The following ADGRV1 variants were observed in gnomAD, a reference collection of about 807,000 sequenced individuals.
ADGRV1 encodes adhesion G protein-coupled receptor V1.
Under a neutral mutation model 596.2 loss-of-function variants are expected in ADGRV1, and 359 were observed. The ratio of observed to expected loss-of-function variants is 0.60; its 90% CI spans 0.55 to 0.66. The LOEUF (loss-of-function observed/expected upper bound fraction) is 0.66. Ranked by LOEUF, ADGRV1 falls within the 30% of genes least tolerant of loss-of-function variation. The pLI is 0.00. For missense variants in ADGRV1, 7,274 were observed against 7,575.6 expected (o/e 0.96, Z 1.48); for synonymous variants, 2,681 against 2,679.2 (o/e 1.00, Z -0.02).
chr5:91,134,292 A>T (rs1794453388), intron 87 of ADGRV1, among the ~76,000 whole-genome samples: 1 of 151,858 alleles, frequency 6.6e-6, no homozygotes, highest in Non-Finnish European at 1.5e-5. Context: ...CGCTCAAGCA[A>T]TCATCTCACC....
intron 50 of ADGRV1, among the ~76,000 whole-genome samples, chr5:90,736,103 G>T (rs2149855522): frequency 6.6e-6 from 1 of 152,144 alleles, no homozygotes; most frequent in South Asian, 2.1e-4. Flanking sequence ...TATAATGTTG[G>T]TTACTTGTTT....
intron 83 of ADGRV1, among the ~76,000 whole-genome samples, chr5:90,948,931 A>G (rs1286789074): frequency 6.6e-6 from 1 of 151,844 alleles, no homozygotes; most frequent in African/African-American, 2.4e-5. Context: ...CCGTCTGTGT[A>G]TAAAATATTT....
At chr5:90,708,277 G>T (rs1407768503) in intron 38 of ADGRV1, among the ~76,000 whole-genome samples, 2 of 151,842 alleles carry the variant, frequency 1.3e-5, no homozygotes, top group African/African-American at 4.8e-5. Context: ...TTTTCTCTAG[G>T]CCACCCTACA....
intron 87 of ADGRV1, among the ~76,000 whole-genome samples, chr5:91,104,836 C>T (rs954077459): frequency 9.5e-5 from 14 of 146,880 alleles, no homozygotes; most frequent in Admixed American, 2.1e-4. Context: ...TTGCACCAAC[C>T]TTTTCTTTTC....
rs537116800 is a variant in ADGRV1, at chr5:90,627,069, CA to C, written c.673-140del. The stretch of plus-strand genomic sequence containing the variant: ...AATATTTTATTAATTGGAGACTAAA[CA>C]AGCCTTTCTATTTGCTCCCTCAGTT... On this transcript the variant is annotated intron_variant, in intron 6 of 89. Transcript: ENST00000405460. The C allele has an allele frequency of 3.9e-3, 1,997 of 507,938 alleles. 17 individuals carry two copies. Among genetic ancestry groups the C allele is most frequent in the Middle Eastern group, 0.023 (45 of 1,984 alleles). The allele number at this position is 507,938 out of a possible 1,614,324, so 31.5% of individuals were successfully genotyped here.
chr5:90,698,484 A>G (rs1747488504), intron 34 of ADGRV1, among the ~76,000 whole-genome samples: 1 of 152,178 alleles, frequency 6.6e-6, no homozygotes, highest in Non-Finnish European at 1.5e-5. Context: ...CCTAGTGAGG[A>G]GAGACTTTGT....
Position 90,685,930 on chromosome 5 carries a change from G to A in ADGRV1, c.6425G>A (p.Arg2142Lys). ...GTTGGACCCATTATCAATGTGACTA[G>A]AACAGGAGGAGCATTTGCAGATGTC... The part of the protein sequence containing the change: ...NHVGPIINVT[R>K]TGGAFADVSV... Residue 2142 changes from arginine to lysine, a missense_variant, in exon 29 of 90, where the codon AGA becomes AAA. Physicochemically the swap from Arg to Lys is conservative, Grantham distance 26. Transcript: ENST00000405460. 6.2e-7 allele frequency: 1 copy of A among 1,609,416 alleles called. No homozygotes were observed. Among genetic ancestry groups the A allele is most frequent in the Non-Finnish European group, 8.5e-7 (1 of 1,177,092 alleles).
rs78242525 is a variant in ADGRV1, at chr5:91,031,184, A to G, written c.18153-41263A>G. ...ATAATTGTCCACAACCAAAAAGGCA[A>G]GAAGAGTAATCGAGATTTCCAGGAG... On this transcript the variant is annotated intron_variant, in intron 85 of 89. Coordinates refer to ENST00000405460, the MANE Select transcript of ADGRV1 (RefSeq NM_032119.4). 3,161 of 1,487,292 alleles carry G rather than the reference A, an allele frequency of 2.1e-3. 36 individuals are homozygous for G. In the African/African-American group the frequency reaches 0.03, roughly 14 times the overall value. The allele number at this position is 1,487,292 out of a possible 1,614,324, so 92.1% of individuals were successfully genotyped here. A position where few individuals can be genotyped will look rare whatever the true frequency, so the allele number is the denominator to read the frequency against.
chr5:90,999,388 G>A (rs1380355305), intron 85 of ADGRV1, among the ~76,000 whole-genome samples: 1 of 151,780 alleles, frequency 6.6e-6, no homozygotes, highest in Admixed American at 6.6e-5. Flanking sequence ...GGGTTAAAAC[G>A]GTGAAAACAT....
At chr5:90,579,279 A>G (rs1329688897) in intron 1 of ADGRV1, among the ~76,000 whole-genome samples, 1 of 152,044 alleles carries the variant, frequency 6.6e-6, no homozygotes. Context: ...TGCTTTACGT[A>G]TGTCCCAGAG....
intron 33 of ADGRV1, 103 bp downstream of exon 33, chr5:90,694,804 A>G (rs1183320009): frequency 1.8e-5 from 19 of 1,078,404 alleles, no homozygotes; most frequent in Non-Finnish European, 2.5e-5. Flanking sequence ...CATTCTTGTT[A>G]ATATACAGAA....
intron 75 of ADGRV1, among the ~76,000 whole-genome samples, chr5:90,816,522 T>G (rs1252682443): frequency 6.6e-6 from 1 of 151,324 alleles, no homozygotes; most frequent in Non-Finnish European, 1.5e-5. Context: ...TAACTCATCA[T>G]TTAGCATTAG....
chr5:90,858,922 G>A (rs1228170567), intron 82 of ADGRV1, among the ~76,000 whole-genome samples: 1 of 152,182 alleles, frequency 6.6e-6, no homozygotes. Flanking sequence ...TTTAACAGCA[G>A]TGAGAACTTT....
At chr5:90,703,558 G>A in intron 34 of ADGRV1, 107 bp from the exon 35 acceptor site, 1 of 723,678 alleles carries the variant, frequency 1.4e-6, no homozygotes, top group Non-Finnish European at 2.2e-6. Flanking sequence ...AATGTTCTTG[G>A]GAAAGGTGCT....
rs1745265801 is a variant in ADGRV1, at chr5:90,683,891, T to C, written c.5970T>C (p.Val1990=). ...CTGAGAAAAACAGACCTGTTAAAGT[T>C]GAGGAAGCAACCCAGAACATCACAC... is the stretch of plus-strand genomic sequence containing the variant. ...IFSEKNRPVK[V]EEATQNITLS... is the part of the protein sequence containing the mutation. Residue 1990 remains valine (V), a synonymous_variant, in exon 28 of 90, where the codon GTT becomes GTC. Transcript: ENST00000405460. 1.1e-5 allele frequency: 18 copies of C among 1,613,418 alleles called. No individual in the cohort carries two copies. Among genetic ancestry groups the C allele is most frequent in the Non-Finnish European group, 1.5e-5 (18 of 1,179,670 alleles).
intron 88 of ADGRV1, 40 bp downstream of exon 88, chr5:91,150,261 CTG>C: frequency 2.9e-6 from 4 of 1,394,984 alleles, no homozygotes; most frequent in South Asian, 1.6e-5. Flanking sequence ...CTCTCTGTCT[CTG>C]TCTCTCTCTC....
At chr5:90,689,209 C>A (rs1561531745) in intron 29 of ADGRV1, among the ~76,000 whole-genome samples, 1 of 151,918 alleles carries the variant, frequency 6.6e-6, no homozygotes, top group Non-Finnish European at 1.5e-5. Flanking sequence ...GCTGGGGTAG[C>A]TCCTAGGAAT....
At chr5:91,061,521 A>G (rs1787428270) in intron 85 of ADGRV1, among the ~76,000 whole-genome samples, 1 of 152,228 alleles carries the variant, frequency 6.6e-6, no homozygotes, top group Non-Finnish European at 1.5e-5. Flanking sequence ...TATTTACAAT[A>G]TAAGGTGGTA....
chr5:90,963,076 T>G (rs1405269647), intron 83 of ADGRV1, among the ~76,000 whole-genome samples: 2 of 152,202 alleles, frequency 1.3e-5, no homozygotes, highest in South Asian at 2.1e-4. Context: ...ATAAGTTGAT[T>G]AGAACAAAAC....
Sources: allele counts gnomAD v4.1 joint callset (sites outside exome capture counted in the v4.1 genomes callset), GRCh38; gene constraint gnomAD v4.1.1; transcripts MANE v1.5; gene names NCBI Gene and HGNC (gene_info 2026-07-23, HGNC 2026-07-21).